PTPDC1: variants seen among roughly 807,000 people sequenced by gnomAD.
PTPDC1 encodes the protein protein tyrosine phosphatase domain containing 1.
PTPDC1 carries 53 observed loss-of-function variants against 75.3 expected under a neutral mutation model. That is an observed-to-expected ratio of 0.70 (90% CI 0.56 to 0.88). The LOEUF (loss-of-function observed/expected upper bound fraction) is 0.88, where lower values mean the gene tolerates loss of function less well. Ranked by LOEUF, PTPDC1 falls within the 40% of genes least tolerant of loss-of-function variation. The probability of loss-of-function intolerance (pLI) is 0.00; values close to 1 mark genes in which losing one functional copy is unlikely to be tolerated. For missense variants in PTPDC1, 925 were observed against 998.6 expected, an observed-to-expected ratio of 0.93 and a Z score of 0.99; for synonymous variants, 349 against 366.2, an observed-to-expected ratio of 0.95 and a Z score of 0.54.
chr9:94,095,223 C>A, intron 4 of PTPDC1, 94 bp from the exon 5 acceptor site: 1 of 895,266 alleles, frequency 1.1e-6, no homozygotes, highest in South Asian at 1.7e-5. Context: ...CTACATGCCT[C>A]AGTCTCAGTG....
intron 1 of PTPDC1, among the ~76,000 whole-genome samples, chr9:94,033,463 A>T (rs2118370848): frequency 6.6e-6 from 1 of 152,304 alleles, no homozygotes; most frequent in Non-Finnish European, 1.5e-5. Flanking sequence ...AAGTGTGTTT[A>T]AGGAAGAACC....
At chr9:94,100,963 G>A (rs1224974831) in intron 6 of PTPDC1, 1 of 152,140 alleles carries the variant, frequency 6.6e-6, no homozygotes, top group Non-Finnish European at 1.5e-5. Context: ...TCAAATTTCA[G>A]GACTCGGGGC....
intron 1 of PTPDC1, among the ~76,000 whole-genome samples, chr9:94,059,782 T>C (rs1826071793): frequency 6.6e-6 from 1 of 152,210 alleles, no homozygotes; most frequent in South Asian, 2.1e-4. Context: ...ATACCATTTA[T>C]TCACTTGAAA....
chr9:94,050,671 TGAG>T, intron 1 of PTPDC1, among the ~76,000 whole-genome samples: 1 of 152,182 alleles, frequency 6.6e-6, no homozygotes, highest in Non-Finnish European at 1.5e-5. Flanking sequence ...GGGATCCACT[TGAG>T]GAGGCAGTCT....
At chr9:94,050,650 C>T (rs1392595535) in intron 1 of PTPDC1, among the ~76,000 whole-genome samples, 2 of 152,212 alleles carry the variant, frequency 1.3e-5, no homozygotes, top group Non-Finnish European at 2.9e-5. Flanking sequence ...AGTTAGGCTA[C>T]TCAGGGGTCA....
intron 2 of PTPDC1, among the ~76,000 whole-genome samples, chr9:94,085,817 T>G (rs2117976281): frequency 6.6e-6 from 1 of 152,384 alleles, no homozygotes; most frequent in Non-Finnish European, 1.5e-5. Flanking sequence ...AGCTTTTATG[T>G]TATTCCTATA....
intron 1 of PTPDC1, among the ~76,000 whole-genome samples, chr9:94,058,128 G>A (rs1371457637): frequency 6.6e-6 from 1 of 152,136 alleles, no homozygotes; most frequent in African/African-American, 2.4e-5. Context: ...CTTTCCCAGA[G>A]GTGTGCAGAG....
At chr9:94,040,789 T>C (rs1200095303) in intron 1 of PTPDC1, among the ~76,000 whole-genome samples, 1 of 152,220 alleles carries the variant, frequency 6.6e-6, no homozygotes, top group Non-Finnish European at 1.5e-5. Flanking sequence ...AAGATAATGT[T>C]CTGCAGCTAA....
At chr9:94,101,825 T>C (rs1242897241) in intron 7 of PTPDC1, 74 bp downstream of exon 7, 1 of 859,810 alleles carries the variant, frequency 1.2e-6, no homozygotes, top group South Asian at 2.3e-5. Flanking sequence ...AAAAAATCCA[T>C]TATAAAAAAA....
chr9:94,098,157 G>A lies in PTPDC1; in HGVS notation c.1591G>A (p.Gly531Arg). 6.2e-7 allele frequency: 1 copy of A among 1,614,220 alleles called. No individual in the cohort carries two copies. The highest frequency in any genetic ancestry group is 8.5e-7 in the Non-Finnish European group (1 of 1,180,040). Residue 531 changes from glycine (G) to arginine (R), a missense_variant, in exon 6 of 9, where the codon GGA (glycine) becomes AGA (arginine). Transcript: ENST00000620992. Reference sequence around the variant, plus strand: ...AGATAATGGGTCACCAATTTTCCATGGAAGGATCATTCCAAAGGAAGCACA... The same window carrying A: ...AGATAATGGGTCACCAATTTTCCATAGAAGGATCATTCCAAAGGAAGCACA... ...LKDNGSPIFHGRIIPKEAQQS... is the reference protein window; with the variant it reads ...LKDNGSPIFHRRIIPKEAQQS...
chr9:94,052,219 C>T (rs1410381649), intron 1 of PTPDC1, among the ~76,000 whole-genome samples: 2 of 152,114 alleles, frequency 1.3e-5, no homozygotes, highest in Non-Finnish European at 2.9e-5. Context: ...CCTGAGACTT[C>T]TTAATCTATG....
chr9:94,088,096 T>C, intron 3 of PTPDC1, 49 bp from the exon 4 acceptor site: 1 of 1,585,478 alleles, frequency 6.3e-7, no homozygotes, highest in Non-Finnish European at 8.5e-7. Flanking sequence ...TGGTTAATTT[T>C]TTTTAAATGC....
chr9:94,088,554 G>A (rs879509843), intron 4 of PTPDC1, among the ~76,000 whole-genome samples: 1 of 152,138 alleles, frequency 6.6e-6, no homozygotes, highest in African/African-American at 2.4e-5. Flanking sequence ...TAAAGCAGTT[G>A]TGTAACAAAA....
chr9:94,037,519 T>C (rs1482518324), intron 1 of PTPDC1, among the ~76,000 whole-genome samples: 1 of 152,194 alleles, frequency 6.6e-6, no homozygotes, highest in Non-Finnish European at 1.5e-5. Flanking sequence ...ATGTTCTCTT[T>C]TGTAGCTTGT....
intron 7 of PTPDC1, among the ~76,000 whole-genome samples, chr9:94,103,537 T>C (rs970416026): frequency 6.6e-6 from 1 of 152,176 alleles, no homozygotes; most frequent in Non-Finnish European, 1.5e-5. Flanking sequence ...TGCTTCAGGT[T>C]TTTTACTTTC....
chr9:94,085,328 T>A lies in PTPDC1; in HGVS notation c.322T>A (p.Cys108Ser), dbSNP rs368162918. 17 of 1,614,246 alleles carry A rather than the reference T, an allele frequency of 1.1e-5. No homozygotes were observed. The highest frequency in any genetic ancestry group is 1.4e-5 in the Non-Finnish European group (17 of 1,180,022). ...LRHVIPGHMA[C>S]SMACGGRACK... is the part of the protein sequence containing the mutation. ...GCATGTCATTCCTGGACACATGGCA[T>A]GTTCCATGGCGTGTGGCGGTAGAGC... Residue 108 changes from cysteine to serine, a missense_variant, in exon 2 of 9, where the codon TGT becomes AGT. By Grantham distance (112) the Cys-to-Ser change is moderately radical. Coordinates refer to ENST00000620992, the MANE Select transcript of PTPDC1 (RefSeq NM_001253829.2).
intron 1 of PTPDC1, among the ~76,000 whole-genome samples, chr9:94,048,768 T>G (rs1825694346): frequency 6.6e-6 from 1 of 152,206 alleles, no homozygotes; most frequent in African/African-American, 2.4e-5. Context: ...CTTGTTAACT[T>G]TCTGTATAGC....
At chr9:94,095,239 C>A (rs1827512616) in intron 4 of PTPDC1, 78 bp from the exon 5 acceptor site, 2 of 1,120,250 alleles carry the variant, frequency 1.8e-6, no homozygotes, top group Non-Finnish European at 1.3e-6. Flanking sequence ...CAGTGTAGAT[C>A]TGTGTACTTT....
chr9:94,104,034 A>G (rs1827932690), intron 7 of PTPDC1, among the ~76,000 whole-genome samples: 2 of 152,194 alleles, frequency 1.3e-5, no homozygotes, highest in Admixed American at 1.3e-4. Context: ...TGATCTTCAA[A>G]TTTAGTTTTA....
Sources: gnomAD v4.1 joint callset for allele counts (sites outside exome capture counted in the v4.1 genomes callset) on GRCh38, gnomAD v4.1.1 for gene constraint, MANE v1.5 for transcripts, NCBI Gene and HGNC (gene_info 2026-07-23, HGNC 2026-07-21) for gene names.